The following PCDHGA4 variants were observed in gnomAD, a reference collection of about 807,000 sequenced individuals.
PCDHGA4 encodes protocadherin gamma subfamily A, 4, also known as protocadherin gamma-A4.
Under a neutral mutation model 54.6 loss-of-function variants are expected in PCDHGA4, and 38 were observed. The observed-to-expected ratio is 0.70, with a 90% confidence interval of 0.54 to 0.91. The LOEUF (loss-of-function observed/expected upper bound fraction) is 0.91, where lower values mean the gene tolerates loss of function less well. Ranked by LOEUF, PCDHGA4 falls within the 40% of genes least tolerant of loss-of-function variation. The probability of loss-of-function intolerance (pLI) is 0.00; values close to 1 mark genes in which losing one functional copy is unlikely to be tolerated. For synonymous variants in PCDHGA4, 511 were observed against 512.9 expected, an observed-to-expected ratio of 1.00 and a Z score of 0.05; for missense variants, 1,298 against 1,220.9, an observed-to-expected ratio of 1.06 and a Z score of -0.94.
In PCDHGA4 at chr5:141,490,028, G is replaced by A. The variant is rs752883792; in HGVS notation, c.2515-4779G>A. ...GCACCCATTGGTACTCTGCTGCTCC[G>A]CCTCAATGCCACTGATCCAGACGAG... On this transcript the variant is annotated intron_variant, in intron 1 of 3. Coordinates refer to ENST00000571252, the MANE Select transcript of PCDHGA4 (RefSeq NM_018917.4). The surrounding 1 kb of genome is among the most constrained non-coding windows in gnomAD (Gnocchi z 5.4). 20 of 1,614,070 alleles carry A rather than the reference G, an allele frequency of 1.2e-5. 1 individual carries two copies. Among genetic ancestry groups the A allele is most frequent in the South Asian group, 3.3e-5 (3 of 91,090 alleles).
Position 141,389,732 on chromosome 5 carries a change from C to T in PCDHGA4, c.2514+32111C>T, listed in dbSNP as rs765577336. 11 of 1,612,674 alleles carry T rather than the reference C, an allele frequency of 6.8e-6. No homozygotes were observed. The South Asian group carries it at 1.2e-4, about 18-fold the overall frequency. ...AGGCTAGCGAGCCCGGGCTCTTCAGCCTGGGGCTGCGCACGGGCGAAGTGC... is the reference window on the plus strand; with the variant it reads ...AGGCTAGCGAGCCCGGGCTCTTCAGTCTGGGGCTGCGCACGGGCGAAGTGC... On this transcript the variant is annotated intron_variant, in intron 1 of 3. Transcript: ENST00000571252.
chr5:141,362,819 G>T lies in PCDHGA4; in HGVS notation c.2514+5198G>T, dbSNP rs73265837. On this transcript the variant is annotated intron_variant, in intron 1 of 3. Transcript: ENST00000571252. Reference sequence around the variant, plus strand: ...CATCTTTACATTACTTCTCTCTGCAGATTTGTTGCTATTGAGACTTTAGGC... The same window carrying T: ...CATCTTTACATTACTTCTCTCTGCATATTTGTTGCTATTGAGACTTTAGGC... 9.1e-3 allele frequency among the ~76,000 whole-genome samples: 1,386 copies of T among 152,280 alleles called. 21 individuals are homozygous for T. Among genetic ancestry groups the T allele is most frequent in the African/African-American group, 0.032 (1,315 of 41,542 alleles).
chr5:141,411,366 T>C (rs559840924), intron 1 of PCDHGA4: 1 of 152,208 alleles, frequency 6.6e-6, no homozygotes, highest in South Asian at 2.1e-4. Flanking sequence ...AGCCCAAGAA[T>C]TGAGACCAGC....
Position 141,356,202 on chromosome 5 carries a change from G to T in PCDHGA4, c.1095G>T (p.Leu365=). The change falls in exon 1 of 4, where the codon CTG becomes CTT. Residue 365 remains leucine (L), a synonymous_variant. Coordinates refer to ENST00000571252, the MANE Select transcript of PCDHGA4 (RefSeq NM_018917.4). The part of the protein sequence containing the change: ...GPGLRARSKV[L]VTVLDENDNA... Reference sequence around the variant, plus strand: ...GTCTCCGAGCTAGAAGCAAGGTACTGGTGACAGTTCTGGATGAAAATGACA... The same window carrying T: ...GTCTCCGAGCTAGAAGCAAGGTACTTGTGACAGTTCTGGATGAAAATGACA... 6.2e-7 allele frequency: 1 copy of T among 1,607,648 alleles called. No homozygotes were observed. The highest frequency in any genetic ancestry group is 2.2e-5 in the East Asian group (1 of 44,758).
rs1427881816 is a variant in PCDHGA4 at position 141,486,740 on chromosome 5, T to C, written c.2515-8067T>C. ...AGGAGCTGTTCATGCTACTCGATCC[T>C]TTGACTATGAGCAAACCCAGACACT... On this transcript the variant is annotated intron_variant, in intron 1 of 3. Coordinates refer to ENST00000571252, the MANE Select transcript of PCDHGA4 (RefSeq NM_018917.4). The surrounding 1 kb of genome is among the most constrained non-coding windows in gnomAD (Gnocchi z 5.0). 6.2e-7 allele frequency: 1 copy of C among 1,614,234 alleles called. No homozygotes were observed. Among genetic ancestry groups the C allele is most frequent in the Admixed American group, 1.7e-5 (1 of 60,026 alleles).
Position 141,431,655 on chromosome 5 carries a change from G to A in PCDHGA4, c.2515-63152G>A, listed in dbSNP as rs199998405. On this transcript the variant is annotated intron_variant, in intron 1 of 3. Transcript: ENST00000571252. This position sits in a 1 kb window ranked among gnomAD's most constrained non-coding sequence, Gnocchi z 4.8. Reference sequence around the variant, plus strand: ...GTTTTCAAACTAGATTGTAATTCAGGGACAATATCAACAATAGGGGAGTTG... The same window carrying A: ...GTTTTCAAACTAGATTGTAATTCAGAGACAATATCAACAATAGGGGAGTTG... 52 of 1,614,208 alleles carry A rather than the reference G, an allele frequency of 3.2e-5. No individual in the cohort carries two copies. The highest frequency in any genetic ancestry group is 3.3e-4 in the Middle Eastern group (2 of 6,062).
At chr5:141,420,722 A>G (rs1428516588) in intron 1 of PCDHGA4, among the ~76,000 whole-genome samples, 1 of 152,226 alleles carries the variant, frequency 6.6e-6, no homozygotes, top group African/African-American at 2.4e-5. Context: ...CGTTCCTTTC[A>G]GTCGGTTAAA....
At chr5:141,362,466 G>T (rs753193547) in intron 1 of PCDHGA4, 19 of 1,613,922 alleles carry the variant, frequency 1.2e-5, no homozygotes, top group Non-Finnish European at 1.6e-5. Flanking sequence ...TGGTTCCCGC[G>T]CAAGATCTCG....
rs1354360582 is a variant in PCDHGA4 at position 141,491,147 on chromosome 5, A to T, written c.2515-3660A>T. On this transcript the variant is annotated intron_variant, in intron 1 of 3. Transcript: ENST00000571252. The surrounding 1 kb of genome is among the most constrained non-coding windows in gnomAD (Gnocchi z 6.9). ...GTGCGCACAGCCCGGGCCTTACTGG[A>T]GGATGACTCTGACACCCAGCAGGTG... The T allele has an allele frequency of 1.9e-6, 3 of 1,613,980 alleles. No homozygotes were observed. The highest frequency in any genetic ancestry group is 2.5e-6 in the Non-Finnish European group (3 of 1,179,994).
At chr5:141,428,606 A>G (rs1270096118) in intron 1 of PCDHGA4, 4 of 216,044 alleles carry the variant, frequency 1.9e-5, no homozygotes, top group Admixed American at 1.6e-4. Context: ...TTCACTGAAG[A>G]GAATAACAAG....
rs1323995819 is a variant in PCDHGA4, at chr5:141,356,380, C to T, written c.1273C>T (p.Leu425Phe). 3.8e-6 allele frequency: 6 copies of T among 1,566,080 alleles called. No homozygotes were observed. The highest frequency in any genetic ancestry group is 5.2e-6 in the Non-Finnish European group (6 of 1,154,790). Residue 425 changes from leucine (L) to phenylalanine (F), a missense_variant, in exon 1 of 4, where the codon CTT becomes TTT. Physicochemically the swap from Leu to Phe is conservative, Grantham distance 22. Transcript: ENST00000571252. Reference sequence around the variant, plus strand: ...TATTCCAGATAATCTGCCATTCACACTTGAAAAGACCTATGGAAATTATTA... The same window carrying T: ...TATTCCAGATAATCTGCCATTCACATTTGAAAAGACCTATGGAAATTATTA... ...CSIPDNLPFT[L>F]EKTYGNYYRL...
At chr5:141,458,988 C>T (rs996478276) in intron 1 of PCDHGA4, among the ~76,000 whole-genome samples, 1 of 152,208 alleles carries the variant, frequency 6.6e-6, no homozygotes, top group South Asian at 2.1e-4. Context: ...CTGCCTCACC[C>T]TCCCAAAGTG....
intron 1 of PCDHGA4, chr5:141,422,851 C>A (rs1459531183): frequency 1.2e-6 from 2 of 1,614,122 alleles, no homozygotes; most frequent in African/African-American, 1.3e-5. Flanking sequence ...CGGGGACCCG[C>A]CCCTCAGCAG....
rs1054012796 is a variant in PCDHGA4 at position 141,420,071 on chromosome 5, G to C, written c.2514+62450G>C. The C allele has an allele frequency of 6.2e-7, 1 of 1,614,050 alleles. No individual in the cohort carries two copies. On this transcript the variant is annotated intron_variant, in intron 1 of 3. Coordinates refer to ENST00000571252, the MANE Select transcript of PCDHGA4 (RefSeq NM_018917.4). ...AGTTCTCTGCTCCAAGTCCGGACCT[G>C]TGGGTCCCCCCAACTACAGTGAGGG...
intron 1 of PCDHGA4, chr5:141,392,161 C>T (rs2092476241): frequency 6.6e-6 from 1 of 152,200 alleles, no homozygotes; most frequent in African/African-American, 2.4e-5. Context: ...AAAACAATTT[C>T]TGAGTCAGTC....
rs1385144710 is a variant in PCDHGA4 at position 141,399,080 on chromosome 5, G to C, written c.2514+41459G>C. 1 of 1,613,696 alleles carries C rather than the reference G, an allele frequency of 6.2e-7. No homozygotes were observed. On this transcript the variant is annotated intron_variant, in intron 1 of 3. Transcript: ENST00000571252. ...GAATATTCAATGGTTGTAGAAGGGA[G>C]GGATGGTGGTGGACTGGTTGCACAA...
chr5:141,409,273 G>A, intron 1 of PCDHGA4: 1 of 1,613,958 alleles, frequency 6.2e-7, no homozygotes, highest in South Asian at 1.1e-5. Context: ...ATCAGATTTT[G>A]GAGAATTCAC....
chr5:141,483,904 T>A (rs11750647), intron 1 of PCDHGA4, among the ~76,000 whole-genome samples: 24,531 of 151,676 alleles, frequency 0.16, 2,105 homozygotes, highest in African/African-American at 0.21. Context: ...CTCTGGTGTG[T>A]TTCCCACTCA....
At chr5:141,470,815 G>A (rs891225908) in intron 1 of PCDHGA4, among the ~76,000 whole-genome samples, 1 of 151,980 alleles carries the variant, frequency 6.6e-6, no homozygotes, top group African/African-American at 2.4e-5. Flanking sequence ...AGCCTTCTGA[G>A]TAGTTAGGAC....
Sources: allele counts gnomAD v4.1 joint callset (sites outside exome capture counted in the v4.1 genomes callset), GRCh38; gene constraint gnomAD v4.1.1; non-coding constraint Gnocchi (gnomAD v3.1); transcripts MANE v1.5; gene names NCBI Gene and HGNC (gene_info 2026-07-23, HGNC 2026-07-21).